Variants in CDH12 observed in about 807,000 individuals in gnomAD.
The protein encoded by CDH12 is cadherin 12.
In CDH12, 41 loss-of-function variants were observed where a neutral mutation model predicts 74.1. The observed-to-expected ratio is 0.55, with a 90% CI of 0.43 to 0.72. The LOEUF (loss-of-function observed/expected upper bound fraction) is 0.72, where lower values mean the gene tolerates loss of function less well. Among genes scored for constraint, CDH12 ranks in the 30% least tolerant of loss-of-function variants. The pLI, the probability that CDH12 is intolerant of heterozygous loss-of-function variation, is 0.00. For missense variants in CDH12, 945 were observed against 977.2 expected (o/e 0.97, Z 0.44); for synonymous variants, 399 against 355.0 (o/e 1.12, Z -1.39).
chr5:22,454,414 G>T (rs1368858183), intron 2 of CDH12, among the ~76,000 whole-genome samples: 1 of 152,080 alleles, frequency 6.6e-6, no homozygotes, highest in African/African-American at 2.4e-5. Flanking sequence ...CCCTTACTTG[G>T]TATGTTTGTT....
intron 5 of CDH12, among the ~76,000 whole-genome samples, chr5:22,008,425 C>T (rs1737092586): frequency 1.3e-5 from 2 of 151,970 alleles, no homozygotes; most frequent in Admixed American, 1.3e-4. Flanking sequence ...GATGGAGTTT[C>T]ACCTTGTTGG....
chr5:21,859,137 T>G (rs1253252872), intron 6 of CDH12, among the ~76,000 whole-genome samples: 2 of 151,962 alleles, frequency 1.3e-5, no homozygotes, highest in Non-Finnish European at 2.9e-5. Context: ...GTCACTCAGT[T>G]TCCCCTAACC....
chr5:22,686,820 G>T (rs1473662331), intron 1 of CDH12, among the ~76,000 whole-genome samples: 1 of 152,142 alleles, frequency 6.6e-6, no homozygotes. Flanking sequence ...GATCTCTACA[G>T]GTTATCATAA....
At chr5:22,792,017 T>A (rs763853441) in intron 1 of CDH12, among the ~76,000 whole-genome samples, 3 of 152,136 alleles carry the variant, frequency 2.0e-5, no homozygotes, top group Non-Finnish European at 2.9e-5. Flanking sequence ...CATTTCTTAT[T>A]TTAGTCACAT....
intron 4 of CDH12, among the ~76,000 whole-genome samples, chr5:22,204,173 T>G (rs1353112346): frequency 8.1e-5 from 12 of 148,006 alleles, no homozygotes; most frequent in African/African-American, 2.5e-4. Flanking sequence ...TTTTTTTTTT[T>G]TTGTTTTTTG....
intron 1 of CDH12, among the ~76,000 whole-genome samples, chr5:22,635,745 CT>C (rs1424217406): frequency 6.6e-6 from 1 of 152,114 alleles, no homozygotes; most frequent in East Asian, 1.9e-4. Flanking sequence ...GAAACCTCGT[CT>C]CTACTGAAAA....
At chr5:22,189,301 T>A (rs944381771) in intron 4 of CDH12, among the ~76,000 whole-genome samples, 1 of 152,202 alleles carries the variant, frequency 6.6e-6, no homozygotes, top group African/African-American at 2.4e-5. Flanking sequence ...TTTATACAGC[T>A]GCTTCTCTTT....
chr5:22,579,486 G>A (rs1265934196), intron 1 of CDH12, among the ~76,000 whole-genome samples: 1 of 151,908 alleles, frequency 6.6e-6, no homozygotes, highest in Non-Finnish European at 1.5e-5. Context: ...TTTTAAAAAT[G>A]TTTTCATTAT....
rs548336371 is a variant in CDH12, at chr5:22,273,315, C to T, written c.-332-60672G>A. 1.1e-4 allele frequency among the ~76,000 whole-genome samples: 16 copies of T among 152,156 alleles called. No individual in the cohort carries two copies. In the East Asian group the frequency reaches 2.3e-3, roughly 22 times the overall value. On this transcript the variant is annotated intron_variant, in intron 3 of 14. Transcript: ENST00000382254. Reference sequence around the variant, plus strand: ...ATGACACAGAGATATACAATGAGCCCATGATGTTGGAAATATGGTGCTGAT... The same window carrying T: ...ATGACACAGAGATATACAATGAGCCTATGATGTTGGAAATATGGTGCTGAT...
At chr5:21,984,915 G>A (rs1419353521) in intron 5 of CDH12, among the ~76,000 whole-genome samples, 6 of 152,038 alleles carry the variant, frequency 3.9e-5, no homozygotes, top group Admixed American at 3.9e-4. Flanking sequence ...TTCAGCACCA[G>A]TTTTCTGAAA....
At chr5:22,835,079 A>G (rs1039266539) in intron 1 of CDH12, among the ~76,000 whole-genome samples, 17 of 152,268 alleles carry the variant, frequency 1.1e-4, no homozygotes, top group African/African-American at 3.1e-4. Flanking sequence ...AAATACTGCA[A>G]TGAGAAGGAT....
In CDH12 at chr5:22,821,378, T is replaced by C. The variant is rs545667522; in HGVS notation, c.-523+31680A>G. ...CTATTCAACATAGTGTTGCAAGTTC[T>C]GGCCAGGGCAATCAGGCAGGAGGAA... On this transcript the variant is annotated intron_variant, in intron 1 of 14. Transcript: ENST00000382254. Among the ~76,000 whole-genome samples the C allele has an allele frequency of 7.0e-4, 106 of 152,282 alleles. 1 individual carries two copies. The highest frequency in any genetic ancestry group is 2.2e-3 in the African/African-American group (93 of 41,540).
At chr5:22,036,465 A>G (rs977798145) in intron 5 of CDH12, among the ~76,000 whole-genome samples, 1 of 152,148 alleles carries the variant, frequency 6.6e-6, no homozygotes, top group Non-Finnish European at 1.5e-5. Flanking sequence ...AAGTTTGAGA[A>G]CATTTTTTTC....
intron 1 of CDH12, among the ~76,000 whole-genome samples, chr5:22,741,811 A>G (rs1745038133): frequency 6.6e-6 from 1 of 152,222 alleles, no homozygotes; most frequent in African/African-American, 2.4e-5. Flanking sequence ...TTTGGGTTGG[A>G]ATAGATACTG....
rs1016580965 is a variant in CDH12, at chr5:21,761,404, G to T, written c.1516-729C>A. On this transcript the variant is annotated intron_variant, in intron 12 of 14. Coordinates refer to ENST00000382254, the MANE Select transcript of CDH12 (RefSeq NM_004061.5). ...TTAAATAGATAAGCAAGTAAGAATG[G>T]CTTTGAGGCATTTATTTATTAACAT... Among the ~76,000 whole-genome samples the T allele has an allele frequency of 4.6e-5, 7 of 152,100 alleles. 1 individual carries two copies. The highest frequency in any genetic ancestry group is 4.6e-4 in the Admixed American group (7 of 15,246).
At chr5:22,757,162 C>T (rs1226257722) in intron 1 of CDH12, among the ~76,000 whole-genome samples, 9 of 152,072 alleles carry the variant, frequency 5.9e-5, no homozygotes, top group Non-Finnish European at 1.2e-4. Context: ...TGTAACTTTT[C>T]TTCTTCCTGT....
chr5:22,138,857 TATA>T (rs1356255564), intron 4 of CDH12, among the ~76,000 whole-genome samples: 1 of 130,562 alleles, frequency 7.7e-6, no homozygotes, highest in African/African-American at 2.8e-5. Context: ...TATATATATA[TATA>T]TATATATATA....
chr5:21,854,584 G>T (rs1750651052), intron 7 of CDH12, 87 bp downstream of exon 7: 1 of 1,081,580 alleles, frequency 9.2e-7, no homozygotes, highest in Admixed American at 2.2e-5. Flanking sequence ...GGCTATATTA[G>T]AATATGCAAC....
At chr5:22,752,545 CTTTTTTTTTTTTTTT>C (rs1159388186) in intron 1 of CDH12, among the ~76,000 whole-genome samples, 26 of 65,752 alleles carry the variant, frequency 4.0e-4, no homozygotes, top group Admixed American at 6.5e-4. Context: ...TAGGATACTT[CTTTTTTTTTTTTTTT>C]TTTTTTTTTT....
Sources: allele counts gnomAD v4.1 joint callset (sites outside exome capture counted in the v4.1 genomes callset), GRCh38; gene constraint gnomAD v4.1.1; transcripts MANE v1.5; gene names NCBI Gene and HGNC (gene_info 2026-07-23, HGNC 2026-07-21).